Variants in CYP2B6 observed in about 807,000 individuals in gnomAD.
The protein encoded by CYP2B6 is cytochrome P450 2B6.
CYP2B6 carries 35 observed loss-of-function variants against 43.4 expected under a neutral mutation model. The ratio of observed to expected loss-of-function variants is 0.81; its 90% CI spans 0.62 to 1.07. The LOEUF (loss-of-function observed/expected upper bound fraction) is 1.07. Ranked by LOEUF, CYP2B6 falls within the 50% of genes least tolerant of loss-of-function variation. The pLI, the probability that CYP2B6 is intolerant of heterozygous loss-of-function variation, is 0.00. For missense variants in CYP2B6, 624 were observed against 632.8 expected, an observed-to-expected ratio of 0.99 and a Z score of 0.15; for synonymous variants, 239 against 239.2, an observed-to-expected ratio of 1.00 and a Z score of 0.01.
intron 1 of CYP2B6, 53 bp downstream of exon 1, chr19:40,991,529 T>G: frequency 6.3e-7 from 1 of 1,598,102 alleles, no homozygotes; most frequent in Non-Finnish European, 8.6e-7. Context: ...GCCTTGGTAC[T>G]TGGGGAAGCT....
At position 41,004,392 on chromosome 19, in the gene CYP2B6, G is replaced by T. The variant is rs117323987; in HGVS notation, c.430G>T (p.Glu144Ter). 114 of 1,614,016 alleles carry T rather than the reference G, an allele frequency of 7.1e-5. No homozygotes were observed. The highest frequency in any genetic ancestry group is 1.8e-4 in the Admixed American group (11 of 60,010). The change falls in exon 3 of 9, where the codon GAG (glutamate) becomes TAG (stop). Residue 144 changes from glutamate to a stop codon, truncating the protein, a stop_gained. Coordinates refer to ENST00000324071, the MANE Select transcript of CYP2B6 (RefSeq NM_000767.5). LOFTEE classifies it high-confidence loss of function. ...DFGMGKRSVE[E>*]RIQEEAQCLI... ...CGGGATGGGAAAGCGGAGTGTGGAG[G>T]AGCGGATTCAGGAGGAGGCTCAGTG... is the stretch of plus-strand genomic sequence containing the variant.
rs1365244726 is a variant in CYP2B6 at position 41,012,616 on chromosome 19, A to T, written c.1153-58A>T. On this transcript the variant is annotated intron_variant, in intron 7 of 8. Coordinates refer to ENST00000324071, the MANE Select transcript of CYP2B6 (RefSeq NM_000767.5). The stretch of plus-strand genomic sequence containing the variant: ...TGTTTTTTGTATTTCTTTTTTGTGG[A>T]GTGTGTGGAGGGTTGGAGGGAATGG... 185 of 1,611,556 alleles carry T rather than the reference A, an allele frequency of 1.1e-4. No homozygotes were observed. In the African/African-American group the frequency reaches 2.1e-3, roughly 18 times the overall value.
intron 6 of CYP2B6, 27 bp from the exon 7 acceptor site, chr19:41,012,271 G>T: frequency 1.2e-6 from 2 of 1,611,810 alleles, no homozygotes; most frequent in Non-Finnish European, 8.5e-7. Context: ...TTTAAAATGA[G>T]ATTCATTGGT....
intron 1 of CYP2B6, among the ~76,000 whole-genome samples, chr19:41,001,413 T>C (rs1350348096): frequency 6.6e-6 from 1 of 152,108 alleles, no homozygotes; most frequent in Non-Finnish European, 1.5e-5. Flanking sequence ...CATGAGCAAG[T>C]GTGCATCAGG....
At chr19:40,996,974 G>C (rs1969007716) in intron 1 of CYP2B6, among the ~76,000 whole-genome samples, 1 of 152,078 alleles carries the variant, frequency 6.6e-6, no homozygotes, top group Admixed American at 6.5e-5. Context: ...TCCTTGGAGG[G>C]GTGAATGGGC....
In CYP2B6 at chr19:41,007,056, A is replaced by T. The variant is rs1456584139; in HGVS notation, c.636A>T (p.Val212=). 1.2e-6 allele frequency: 2 copies of T among 1,614,130 alleles called. No homozygotes were observed. The highest frequency in any genetic ancestry group is 1.7e-6 in the Non-Finnish European group (2 of 1,180,030). Residue 212 remains valine, a synonymous_variant, in exon 4 of 9, where the codon GTA becomes GTT. Transcript: ENST00000324071. The part of the protein sequence containing the change: ...FYQTFSLISS[V]FGQLFELFSG... The stretch of plus-strand genomic sequence containing the variant: ...AGACTTTTTCACTCATCAGCTCTGT[A>T]TTCGGCCAGGTCAGGGAGACGGAGA...
At chr19:41,009,652 A>C (rs1969247367) in intron 5 of CYP2B6, 1 of 610,884 alleles carries the variant, frequency 1.6e-6, no homozygotes, top group Non-Finnish European at 2.9e-6. Context: ...ACAGAGGGAG[A>C]GAGAGAGAAG....
intron 8 of CYP2B6, 103 bp downstream of exon 8, chr19:41,012,918 A>T: frequency 7.6e-7 from 1 of 1,320,334 alleles, no homozygotes; most frequent in Non-Finnish European, 1.1e-6. Context: ...CACTTAATAT[A>T]TTCTGATTGC....
intron 3 of CYP2B6, among the ~76,000 whole-genome samples, chr19:41,005,243 A>G (rs1468372380): frequency 6.6e-6 from 1 of 152,002 alleles, no homozygotes; most frequent in East Asian, 1.9e-4. Context: ...AGTTCTCCAT[A>G]ACTTGGTGTC....
chr19:41,012,913 A>G, intron 8 of CYP2B6, 98 bp downstream of exon 8: 1 of 1,366,276 alleles, frequency 7.3e-7, no homozygotes, highest in Non-Finnish European at 1.0e-6. Flanking sequence ...TTGAGCACTT[A>G]ATATATTCTG....
intron 6 of CYP2B6, among the ~76,000 whole-genome samples, chr19:41,010,697 G>A (rs1439776053): frequency 1.3e-5 from 2 of 152,012 alleles, no homozygotes; most frequent in Admixed American, 1.3e-4. Context: ...TACATGCGTA[G>A]GTTTTGTAAT....
intron 3 of CYP2B6, among the ~76,000 whole-genome samples, chr19:41,006,655 G>A (rs2144670091): frequency 6.6e-6 from 1 of 152,104 alleles, no homozygotes; most frequent in Admixed American, 6.5e-5. Context: ...TGCAACTTTG[G>A]TCAAATTACT....
At position 41,006,990 on chromosome 19, in the gene CYP2B6, CCAAGAT is replaced by C; in HGVS notation, c.576_581del (p.Asp192_Gln193del). 4 of 1,614,062 alleles carry C rather than the reference CCAAGAT, an allele frequency of 2.5e-6. No homozygotes were observed. The highest frequency in any genetic ancestry group is 3.4e-6 in the Non-Finnish European group (4 of 1,180,000). On this transcript the variant is annotated inframe_deletion, in exon 4 of 9. Coordinates refer to ENST00000324071, the MANE Select transcript of CYP2B6 (RefSeq NM_000767.5). ...TCGTCTTTGGAAAACGATTCCACTA[CCAAGAT>C]CAAGAGTTCCTGAAGATGCTGAACT...
intron 1 of CYP2B6, among the ~76,000 whole-genome samples, chr19:40,996,513 G>T (rs1261037339): frequency 6.6e-6 from 1 of 152,136 alleles, no homozygotes; most frequent in Non-Finnish European, 1.5e-5. Flanking sequence ...AGCTTCAAGT[G>T]TTCAAATGAT....
chr19:41,010,409 G>GTTTTT (rs57062123), intron 6 of CYP2B6, among the ~76,000 whole-genome samples: 1 of 140,954 alleles, frequency 7.1e-6, no homozygotes. Context: ...TTGTTTTTTG[G>GTTTTT]TTTTTTTTTT....
At chr19:40,998,118 G>T (rs1478453314) in intron 1 of CYP2B6, among the ~76,000 whole-genome samples, 1 of 151,964 alleles carries the variant, frequency 6.6e-6, no homozygotes, top group African/African-American at 2.4e-5. Flanking sequence ...AAAATCATCT[G>T]CAATGTGAGG....
In CYP2B6 at chr19:40,996,870, A is replaced by G. The variant is rs567938823; in HGVS notation, c.171+5394A>G. Among the ~76,000 whole-genome samples, 3 of 152,094 alleles carry G rather than the reference A, an allele frequency of 2.0e-5. No homozygotes were observed. The South Asian group carries it at 6.2e-4, about 31-fold the overall frequency. ...GGTACATAACACTGGTTTATTAAAT[A>G]GGTTATCATAGGTAATTTGATGGTG... On this transcript the variant is annotated intron_variant, in intron 1 of 8. Transcript: ENST00000324071.
intron 1 of CYP2B6, among the ~76,000 whole-genome samples, chr19:40,994,102 A>G (rs916087855): frequency 5.3e-5 from 8 of 152,126 alleles, no homozygotes; most frequent in African/African-American, 1.9e-4. Context: ...CCAGGAACCC[A>G]ACTGGAACCT....
At chr19:41,016,431 A>AG (rs58697964) in intron 8 of CYP2B6, among the ~76,000 whole-genome samples, 44 of 92,370 alleles carry the variant, frequency 4.8e-4, no homozygotes, top group African/African-American at 1.0e-3. Flanking sequence ...AAAAAAAAAA[A>AG]AAAGAGAGAG....
Sources: gnomAD v4.1 joint callset for allele counts (sites outside exome capture counted in the v4.1 genomes callset) on GRCh38, gnomAD v4.1.1 for gene constraint, MANE v1.5 for transcripts, NCBI Gene and HGNC (gene_info 2026-07-23, HGNC 2026-07-21) for gene names.